Variants in SFXN3 observed in about 807,000 individuals in gnomAD.
SFXN3 encodes sideroflexin 3, also known as sideroflexin-3.
Under a neutral mutation model 40.4 loss-of-function variants are expected in SFXN3, and 31 were observed. The observed-to-expected ratio is 0.77, with a 90% CI of 0.58 to 1.04. The LOEUF (loss-of-function observed/expected upper bound fraction) is 1.04. Ranked by LOEUF, SFXN3 falls within the 50% of genes least tolerant of loss-of-function variation. SFXN3 has a pLI of 0.00. For missense variants in SFXN3, 366 were observed against 408.2 expected, an observed-to-expected ratio of 0.90 and a Z score of 0.89; for synonymous variants, 157 against 160.0, an observed-to-expected ratio of 0.98 and a Z score of 0.14.
rs1395751805 is a variant in SFXN3, at chr10:101,036,457, TC to T, written c.432-25del. 5 of 1,611,970 alleles carry T rather than the reference TC, an allele frequency of 3.1e-6. No homozygotes were observed. Among genetic ancestry groups the T allele is most frequent in the Non-Finnish European group, 4.2e-6 (5 of 1,178,268 alleles). ...GGCCACCTGCTGGACTTGTCACCTC[TC>T]CCCGTGACCTGGCTTTTCCACCCAC... On this transcript the variant is annotated intron_variant, in intron 5 of 11. Transcript: ENST00000393459. The surrounding 1 kb of genome is among the most constrained non-coding windows in gnomAD (Gnocchi z 4.2).
Position 101,039,318 on chromosome 10 carries a change from G to A in SFXN3, c.869+96G>A. ...GGTCTTCCAGGGTGTTCAGGAGGAG[G>A]CCTGGCAGGCACTCCACTGATTCTG... is the stretch of plus-strand genomic sequence containing the variant. On this transcript the variant is annotated intron_variant, in intron 11 of 11. Coordinates refer to ENST00000393459, the Ensembl canonical transcript of SFXN3. This position sits in a 1 kb window ranked among gnomAD's most constrained non-coding sequence, Gnocchi z 4.6. 7.9e-7 allele frequency: 1 copy of A among 1,266,350 alleles called. No homozygotes were observed. Among genetic ancestry groups the A allele is most frequent in the Non-Finnish European group, 1.1e-6 (1 of 880,940 alleles). 78.4% of individuals were successfully genotyped at this position (1,266,350 alleles called of 1,614,324 possible).
chr10:101,034,892 C>G, intron 3 of SFXN3, 37 bp downstream of exon 3: 3 of 1,598,012 alleles, frequency 1.9e-6, no homozygotes, highest in Non-Finnish European at 2.6e-6. Context: ...GTGCCAGGAT[C>G]TCATTTTCTG....
intron 2 of SFXN3, among the ~76,000 whole-genome samples, chr10:101,032,945 C>G (rs1210849875): frequency 6.6e-6 from 1 of 152,202 alleles, no homozygotes; most frequent in Non-Finnish European, 1.5e-5. Flanking sequence ...GAATCCTGCT[C>G]TTATCCGGAG....
intron 7 of SFXN3, 39 bp from the exon 8 acceptor site, chr10:101,037,037 C>T (rs200835522): frequency 8.7e-6 from 14 of 1,610,264 alleles, no homozygotes; most frequent in African/African-American, 8.0e-5. Context: ...AGGTGGGATC[C>T]GGGGCCTGTG....
chr10:101,037,655 T>G (rs780889518), intron 9 of SFXN3: 5 of 1,432,370 alleles, frequency 3.5e-6, no homozygotes, highest in Admixed American at 2.8e-5. Flanking sequence ...GAAACCAACT[T>G]CATCAGTGTT....
chr10:101,038,721 T>C, intron 10 of SFXN3, 29 bp downstream of exon 10: 1 of 1,606,004 alleles, frequency 6.2e-7, no homozygotes, highest in Non-Finnish European at 8.5e-7. Flanking sequence ...AGCTGGGGTG[T>C]GTGGGAGTGC....
intron 2 of SFXN3, 76 bp from the exon 3 acceptor site, chr10:101,034,616 G>A: frequency 6.5e-7 from 1 of 1,527,420 alleles, no homozygotes; most frequent in Admixed American, 1.8e-5. Context: ...GCCAGGGCAG[G>A]GGCACCAAAG....
At position 101,036,809 on chromosome 10, in the gene SFXN3, G is replaced by A; in HGVS notation, c.593+1G>A. On this transcript the variant is annotated splice_donor_variant, in intron 7 of 11. Coordinates refer to ENST00000393459, the Ensembl canonical transcript of SFXN3. LOFTEE classifies it high-confidence loss of function. The surrounding 1 kb of genome is among the most constrained non-coding windows in gnomAD (Gnocchi z 4.2). Reference sequence around the variant, plus strand: ...TCAACATCCCCCTGATGAGGCAGAGGTGAGTGACCCCGGCTCCTGGCATGT... The same window carrying A: ...TCAACATCCCCCTGATGAGGCAGAGATGAGTGACCCCGGCTCCTGGCATGT... 10 of 1,613,014 alleles carry A rather than the reference G, an allele frequency of 6.2e-6. No individual in the cohort carries two copies. The highest frequency in any genetic ancestry group is 8.5e-6 in the Non-Finnish European group (10 of 1,179,086).
At position 101,035,683 on chromosome 10, in the gene SFXN3, C is replaced by T. The variant is rs752036514; in HGVS notation, c.332+16C>T. 32 of 1,597,858 alleles carry T rather than the reference C, an allele frequency of 2.0e-5. No homozygotes were observed. Among genetic ancestry groups the T allele is most frequent in the Admixed American group, 1.5e-4 (9 of 58,962 alleles). On this transcript the variant is annotated intron_variant, in intron 4 of 11. Transcript: ENST00000393459. Reference sequence around the variant, plus strand: ...CATTCTACAGGCAGGTCTTGTCCCACGTCCCCTTCTTCAGTGCCCTAAGCT... The same window carrying T: ...CATTCTACAGGCAGGTCTTGTCCCATGTCCCCTTCTTCAGTGCCCTAAGCT...
intron 2 of SFXN3, among the ~76,000 whole-genome samples, chr10:101,034,200 AC>A (rs1056828504): frequency 6.6e-6 from 1 of 152,112 alleles, no homozygotes. Context: ...CTTGGACGAT[AC>A]CCCGCTTTCA....
chr10:101,038,805 A>G (rs2134213390), intron 10 of SFXN3, 113 bp downstream of exon 10: 1 of 1,517,138 alleles, frequency 6.6e-7, no homozygotes, highest in East Asian at 2.3e-5. Context: ...TCATACATTC[A>G]GTGGGTGTGT....
chr10:101,033,543 G>A (rs1938431001), intron 2 of SFXN3, among the ~76,000 whole-genome samples: 1 of 152,066 alleles, frequency 6.6e-6, no homozygotes, highest in Non-Finnish European at 1.5e-5. Flanking sequence ...TGAAGGGGTG[G>A]CCTGCCCCTC....
chr10:101,038,965 A>G (rs888976896), intron 10 of SFXN3, among the ~76,000 whole-genome samples: 3 of 152,102 alleles, frequency 2.0e-5, no homozygotes, highest in Middle Eastern at 3.2e-3. Context: ...ATTCATGCCC[A>G]TTTAATTCCT....
At chr10:101,031,781 G>A (rs961844561) in intron 1 of SFXN3, among the ~76,000 whole-genome samples, 2 of 152,098 alleles carry the variant, frequency 1.3e-5, no homozygotes, top group African/African-American at 4.8e-5. Flanking sequence ...CAGGGCTAGG[G>A]GTTGGGAGCG....
At chr10:101,033,681 C>T (rs997748904) in intron 2 of SFXN3, among the ~76,000 whole-genome samples, 5 of 152,134 alleles carry the variant, frequency 3.3e-5, no homozygotes, top group African/African-American at 7.2e-5. Flanking sequence ...GGATCTGCAC[C>T]GGCACCGGTC....
At chr10:101,035,664 A>G (rs1938560330) in exon 4 of SFXN3, 1 of 1,609,076 alleles carries the variant, frequency 6.2e-7, no homozygotes, top group African/African-American at 1.3e-5. Context: ...CTCACATTCT[A>G]CAGGCAGGTC....
rs762641319 is a variant in SFXN3, at chr10:101,036,111, A to G, written c.431+10A>G. On this transcript the variant is annotated intron_variant, in intron 5 of 11. Transcript: ENST00000393459. This position sits in a 1 kb window ranked among gnomAD's most constrained non-coding sequence, Gnocchi z 4.2. ...CTCCCATCACTGTGAGGTGAGAGCC[A>G]GCCCCCAGCAGCAGCTGCACTGTCC... 10 of 1,605,730 alleles carry G rather than the reference A, an allele frequency of 6.2e-6. No homozygotes were observed. Among genetic ancestry groups the G allele is most frequent in the Non-Finnish European group, 8.5e-6 (10 of 1,172,992 alleles).
At chr10:101,038,793 A>G (rs990043561) in intron 10 of SFXN3, 101 bp downstream of exon 10, 1 of 1,546,800 alleles carries the variant, frequency 6.5e-7, no homozygotes, top group Non-Finnish European at 8.8e-7. Context: ...GACATCATCC[A>G]TTCATACATT....
rs986466776 is a variant in SFXN3, at chr10:101,036,825, C to T, written c.593+17C>T. 1.3e-5 allele frequency: 21 copies of T among 1,612,080 alleles called. No homozygotes were observed. Among genetic ancestry groups the T allele is most frequent in the Non-Finnish European group, 1.4e-5 (17 of 1,178,390 alleles). Reference sequence around the variant, plus strand: ...GAGGCAGAGGTGAGTGACCCCGGCTCCTGGCATGTGCATGCCCAGAATGTA... The same window carrying T: ...GAGGCAGAGGTGAGTGACCCCGGCTTCTGGCATGTGCATGCCCAGAATGTA... On this transcript the variant is annotated intron_variant, in intron 7 of 11. Transcript: ENST00000393459. The surrounding 1 kb of genome is among the most constrained non-coding windows in gnomAD (Gnocchi z 4.2).
Sources: gnomAD v4.1 joint callset for allele counts (sites outside exome capture counted in the v4.1 genomes callset) on GRCh38, gnomAD v4.1.1 for gene constraint, Gnocchi (gnomAD v3.1) non-coding constraint, MANE v1.5 for transcripts, NCBI Gene and HGNC (gene_info 2026-07-23, HGNC 2026-07-21) for gene names.